The following LRP1B variants were observed in gnomAD, a reference collection of about 807,000 sequenced individuals.
The protein encoded by LRP1B is LDL receptor related protein 1B.
Under a neutral mutation model 556.6 loss-of-function variants are expected in LRP1B, and 217 were observed. The observed-to-expected ratio is 0.39, with a 90% confidence interval of 0.35 to 0.44. LRP1B has a LOEUF of 0.44. LRP1B is among the 20% of genes least tolerant of loss of function. The pLI is 1.00. For missense variants in LRP1B, 5,053 were observed against 5,620.8 expected, an observed-to-expected ratio of 0.90 and a Z score of 3.23; for synonymous variants, 2,047 against 1,865.8, an observed-to-expected ratio of 1.10 and a Z score of -2.50.
intron 2 of LRP1B, among the ~76,000 whole-genome samples, chr2:141,589,534 T>G (rs1045592326): frequency 6.6e-6 from 1 of 152,184 alleles, no homozygotes; most frequent in Non-Finnish European, 1.5e-5. Context: ...CCATCCCCTT[T>G]TTCGTTTCCT....
chr2:140,504,206 G>A (rs1460921189), intron 53 of LRP1B, among the ~76,000 whole-genome samples: 1 of 152,042 alleles, frequency 6.6e-6, no homozygotes, highest in Non-Finnish European at 1.5e-5. Context: ...ACTCCTCTTA[G>A]AGATAACAAA....
chr2:141,909,190 C>A (rs1008358113), intron 1 of LRP1B, among the ~76,000 whole-genome samples: 15 of 152,012 alleles, frequency 9.9e-5, no homozygotes, highest in Non-Finnish European at 1.5e-5. Flanking sequence ...TGTAGATGTG[C>A]TAAAAGCCAG....
At chr2:140,606,376 T>A (rs1005895853) in intron 41 of LRP1B, among the ~76,000 whole-genome samples, 6 of 151,882 alleles carry the variant, frequency 4.0e-5, no homozygotes, top group Admixed American at 2.0e-4. Context: ...CTAAGGATTT[T>A]AAAAAATGGA....
chr2:140,964,663 G>A (rs1187869970), intron 18 of LRP1B, among the ~76,000 whole-genome samples: 3 of 150,826 alleles, frequency 2.0e-5, no homozygotes, highest in Non-Finnish European at 3.0e-5. Context: ...TATTGAGTGA[G>A]GATTATCATA....
At chr2:140,688,870 C>T (rs538412036) in intron 41 of LRP1B, among the ~76,000 whole-genome samples, 2 of 152,290 alleles carry the variant, frequency 1.3e-5, no homozygotes, top group South Asian at 4.1e-4. Flanking sequence ...CTTGATCATC[C>T]AGCACCATCT....
At chr2:141,956,442 T>C (rs1701255307) in intron 1 of LRP1B, among the ~76,000 whole-genome samples, 1 of 152,134 alleles carries the variant, frequency 6.6e-6, no homozygotes, top group African/African-American at 2.4e-5. Flanking sequence ...GTCTTTTTCC[T>C]ACTTAATTTT....
At chr2:141,655,505 T>C (rs1362062342) in intron 2 of LRP1B, among the ~76,000 whole-genome samples, 1 of 152,164 alleles carries the variant, frequency 6.6e-6, no homozygotes, top group Non-Finnish European at 1.5e-5. Context: ...TCCCTATCCA[T>C]GTAAATTACA....
At chr2:140,901,522 G>T (rs1329239939) in intron 23 of LRP1B, among the ~76,000 whole-genome samples, 1 of 152,088 alleles carries the variant, frequency 6.6e-6, no homozygotes, top group African/African-American at 2.4e-5. Flanking sequence ...TCACATCAGG[G>T]TAAATGGGAT....
intron 3 of LRP1B, among the ~76,000 whole-genome samples, chr2:141,349,752 G>T (rs893528508): frequency 4.6e-5 from 7 of 152,100 alleles, no homozygotes; most frequent in African/African-American, 1.7e-4. Flanking sequence ...TGGGACAGGA[G>T]TTGGCTGTGG....
At chr2:141,455,753 A>C (rs910514905) in intron 3 of LRP1B, among the ~76,000 whole-genome samples, 1 of 152,226 alleles carries the variant, frequency 6.6e-6, no homozygotes, top group African/African-American at 2.4e-5. Flanking sequence ...GCTAGGCATC[A>C]GAAGCACAAA....
chr2:140,272,936 C>T (rs1682525876), intron 85 of LRP1B, among the ~76,000 whole-genome samples: 1 of 151,886 alleles, frequency 6.6e-6, no homozygotes, highest in Non-Finnish European at 1.5e-5. Flanking sequence ...TCTTATGTTG[C>T]ACCTCAATAG....
chr2:142,094,486 T>G (rs1383163625), intron 1 of LRP1B, among the ~76,000 whole-genome samples: 1 of 152,032 alleles, frequency 6.6e-6, no homozygotes, highest in Non-Finnish European at 1.5e-5. Flanking sequence ...AGGGTTCTTG[T>G]TACAAATTTG....
Position 140,323,893 on chromosome 2 carries a change from A to C in LRP1B, c.12514T>G (p.Leu4172Val). 1.4e-6 allele frequency: 2 copies of C among 1,404,622 alleles called. No homozygotes were observed. The highest frequency in any genetic ancestry group is 2.0e-6 in the Non-Finnish European group (2 of 995,106). The allele number at this position is 1,404,622 out of a possible 1,614,324, so 87.0% of individuals were successfully genotyped here. Reference sequence around the variant, plus strand: ...CAACTTCATAATATATTATACTTACAATCTAGTTGTTTATAACGATGAGAT... The same window carrying C: ...CAACTTCATAATATATTATACTTACCATCTAGTTGTTTATAACGATGAGAT... ...LISHRYKQLD[L>V]PNPCLDLACE... Residue 4172 changes from leucine (L) to valine (V), a missense_variant and splice_region_variant, in exon 81 of 91, where the codon TTA becomes GTA. Transcript: ENST00000389484.
intron 2 of LRP1B, among the ~76,000 whole-genome samples, chr2:141,799,474 C>T (rs1695931475): frequency 6.6e-6 from 1 of 152,066 alleles, no homozygotes; most frequent in African/African-American, 2.4e-5. Flanking sequence ...TTGAGCGTGG[C>T]TGCAGCTGAC....
At chr2:141,334,302 A>G (rs1199092414) in intron 3 of LRP1B, among the ~76,000 whole-genome samples, 1 of 152,144 alleles carries the variant, frequency 6.6e-6, no homozygotes, top group African/African-American at 2.4e-5. Flanking sequence ...TTCTGAAGAT[A>G]TTGAGTTCCC....
chr2:141,052,775 C>A (rs566117154), intron 10 of LRP1B, among the ~76,000 whole-genome samples: 1 of 152,000 alleles, frequency 6.6e-6, no homozygotes, highest in East Asian at 1.9e-4. Context: ...GTAGCTGGGT[C>A]TACAGGAGTG....
chr2:140,959,074 T>G (rs1322154647), intron 18 of LRP1B, among the ~76,000 whole-genome samples: 1 of 148,690 alleles, frequency 6.7e-6, no homozygotes, highest in Non-Finnish European at 1.5e-5. Flanking sequence ...TTTTTTTTTG[T>G]AAGTCTATTG....
chr2:140,709,220 G>C (rs1036478845), intron 37 of LRP1B, among the ~76,000 whole-genome samples: 1 of 151,958 alleles, frequency 6.6e-6, no homozygotes, highest in Non-Finnish European at 1.5e-5. Context: ...GTGCTTAAAA[G>C]GAAATAAAAT....
intron 2 of LRP1B, among the ~76,000 whole-genome samples, chr2:141,594,005 T>A (rs1687428554): frequency 1.3e-5 from 2 of 152,078 alleles, no homozygotes; most frequent in African/African-American, 2.4e-5. Flanking sequence ...ACCTTTTTTA[T>A]ATTTATATAC....
Sources: allele counts gnomAD v4.1 joint callset (sites outside exome capture counted in the v4.1 genomes callset), GRCh38; gene constraint gnomAD v4.1.1; transcripts MANE v1.5; gene names NCBI Gene and HGNC (gene_info 2026-07-23, HGNC 2026-07-21).